COPG2: variants seen among roughly 807,000 people sequenced by gnomAD.
COPG2 encodes coatomer subunit gamma-2.
In COPG2, 37 loss-of-function variants were observed where a neutral mutation model predicts 46.3. The observed-to-expected ratio is 0.80, with a 90% CI of 0.61 to 1.05. The LOEUF is 1.05. Among genes scored for constraint, COPG2 ranks in the 50% least tolerant of loss-of-function variants. The pLI, the probability that COPG2 is intolerant of heterozygous loss-of-function variation, is 0.00. For missense variants in COPG2, 427 were observed against 387.8 expected (o/e 1.10, Z -0.85); for synonymous variants, 159 against 129.7 (o/e 1.23, Z -1.53).
intron 5 of COPG2, chr7:130,645,556 G>GC (rs1795579271): frequency 5.2e-6 from 1 of 191,862 alleles, no homozygotes; most frequent in East Asian, 1.6e-4. Context: ...TGGAGGTGAA[G>GC]CCCCGGCACC....
intron 5 of COPG2, among the ~76,000 whole-genome samples, chr7:130,652,397 T>A (rs1459093199): frequency 6.6e-6 from 1 of 152,248 alleles, no homozygotes; most frequent in Non-Finnish European, 1.5e-5. Flanking sequence ...TTTTGCCATT[T>A]TGATGAGTAA....
chr7:130,511,906 A>G, intron 20 of COPG2: 1 of 507,396 alleles, frequency 2.0e-6, no homozygotes. Flanking sequence ...TTATAAACTG[A>G]TGAATGCTGA....
chr7:130,612,451 G>A (rs1794869389), intron 7 of COPG2, among the ~76,000 whole-genome samples: 1 of 152,164 alleles, frequency 6.6e-6, no homozygotes, highest in African/African-American at 2.4e-5. Flanking sequence ...GTATATGTAA[G>A]CTGGGAGAGG....
At chr7:130,607,163 C>T (rs1327371511) in intron 9 of COPG2, among the ~76,000 whole-genome samples, 3 of 151,844 alleles carry the variant, frequency 2.0e-5, no homozygotes, top group Non-Finnish European at 4.4e-5. Context: ...ATTGCTTGAA[C>T]GTGGAAGGCA....
intron 2 of COPG2, 105 bp downstream of exon 2, chr7:130,667,377 C>A: frequency 1.2e-6 from 1 of 869,190 alleles, no homozygotes; most frequent in South Asian, 1.7e-5. Flanking sequence ...AACTCTGTTA[C>A]GTTTCTTGTT....
intron 20 of COPG2, chr7:130,509,936 A>T (rs782795783): frequency 6.3e-6 from 3 of 472,536 alleles, no homozygotes; most frequent in Non-Finnish European, 8.5e-6. Context: ...GCAGAGGAAG[A>T]TGTACAAACA....
chr7:130,647,729 G>A (rs1795644120), intron 5 of COPG2, among the ~76,000 whole-genome samples: 2 of 143,810 alleles, frequency 1.4e-5, no homozygotes, highest in African/African-American at 5.1e-5. Flanking sequence ...ACCTCATTAA[G>A]ATTTTTTTTT....
At chr7:130,639,397 AT>A (rs1457690050) in intron 5 of COPG2, among the ~76,000 whole-genome samples, 1 of 152,168 alleles carries the variant, frequency 6.6e-6, no homozygotes, top group East Asian at 1.9e-4. Flanking sequence ...TTTTGGGGGT[AT>A]CTATTGATTA....
At chr7:130,591,745 G>T (rs1258623376) in intron 9 of COPG2, among the ~76,000 whole-genome samples, 5 of 135,238 alleles carry the variant, frequency 3.7e-5, no homozygotes, top group South Asian at 2.4e-4. Flanking sequence ...TCAGCCCCCC[G>T]CCCGGCCAGC....
chr7:130,668,554 G>C, intron 1 of COPG2, 78 bp downstream of exon 1: 1 of 1,374,594 alleles, frequency 7.3e-7, no homozygotes, highest in Non-Finnish European at 9.8e-7. Flanking sequence ...CAGCCCCGCC[G>C]GCCTGAAAGC....
intron 20 of COPG2, among the ~76,000 whole-genome samples, chr7:130,540,218 A>C (rs1438911556): frequency 6.6e-6 from 1 of 152,244 alleles, no homozygotes; most frequent in East Asian, 1.9e-4. Context: ...GGTGGGTTAC[A>C]TATCTAATGT....
At chr7:130,603,977 G>A in intron 9 of COPG2, 1 of 411,000 alleles carries the variant, frequency 2.4e-6, no homozygotes, top group Non-Finnish European at 4.8e-6. Context: ...AATAAAGTAA[G>A]CTAGAGAAAA....
At chr7:130,599,537 C>T (rs2116478079) in intron 9 of COPG2, among the ~76,000 whole-genome samples, 1 of 152,182 alleles carries the variant, frequency 6.6e-6, no homozygotes, top group South Asian at 2.1e-4. Flanking sequence ...AAGGTAGCAG[C>T]CCCAAACCCC....
At chr7:130,539,804 C>T (rs970828893) in intron 20 of COPG2, among the ~76,000 whole-genome samples, 1 of 152,030 alleles carries the variant, frequency 6.6e-6, no homozygotes, top group Non-Finnish European at 1.5e-5. Flanking sequence ...AGGACAGCCA[C>T]AGGCAGGACA....
chr7:130,624,159 C>T (rs1554453985), intron 5 of COPG2, among the ~76,000 whole-genome samples: 1 of 151,952 alleles, frequency 6.6e-6, no homozygotes, highest in Non-Finnish European at 1.5e-5. Flanking sequence ...ATCCCAAGGG[C>T]TCCATCCTCA....
intron 20 of COPG2, among the ~76,000 whole-genome samples, chr7:130,523,955 T>C (rs899129685): frequency 1.4e-5 from 2 of 147,706 alleles, no homozygotes; most frequent in Non-Finnish European, 3.0e-5. Context: ...GCGTTTGTGC[T>C]GGCGGGGCAG....
chr7:130,547,901 C>T (rs1481604437), intron 19 of COPG2, 56 bp from the exon 20 acceptor site: 2 of 398,336 alleles, frequency 5.0e-6, no homozygotes, highest in African/African-American at 2.1e-5. Flanking sequence ...CCTTCCTACT[C>T]ATAACCCACT....
At chr7:130,569,456 G>C (rs1389843970) in intron 9 of COPG2, among the ~76,000 whole-genome samples, 1 of 152,022 alleles carries the variant, frequency 6.6e-6, no homozygotes, top group Non-Finnish European at 1.5e-5. Context: ...AGAAAATCTA[G>C]AGGTGATGGA....
chr7:130,636,547 T>G (rs952861354), intron 5 of COPG2, among the ~76,000 whole-genome samples: 4 of 149,218 alleles, frequency 2.7e-5, no homozygotes, highest in South Asian at 2.1e-4. Flanking sequence ...GGTTTTTTTT[T>G]TTTTTTTTTT....
Sources: gnomAD v4.1 joint callset for allele counts (sites outside exome capture counted in the v4.1 genomes callset) on GRCh38, gnomAD v4.1.1 for gene constraint, MANE v1.5 for transcripts, NCBI Gene and HGNC (gene_info 2026-07-23, HGNC 2026-07-21) for gene names.